Variants in NTM observed in about 807,000 individuals in gnomAD.
NTM encodes IgLON family member 2.
In NTM, 13 loss-of-function variants were observed where a neutral mutation model predicts 42.1. The observed-to-expected ratio is 0.31, with a 90% confidence interval of 0.20 to 0.49. The LOEUF (loss-of-function observed/expected upper bound fraction) is 0.49, where lower values mean the gene tolerates loss of function less well. NTM is among the 20% of genes least tolerant of loss of function. The pLI is 0.99. For synonymous variants in NTM, 187 were observed against 179.2 expected (o/e 1.04, Z -0.35); for missense variants, 373 against 452.8 (o/e 0.82, Z 1.60).
rs138606730 is a variant in NTM, at chr11:131,803,117, A to T, written c.83-108447A>T. 6.4e-4 allele frequency among the ~76,000 whole-genome samples: 97 copies of T among 151,504 alleles called. 2 individuals are homozygous for T. Among genetic ancestry groups the T allele is most frequent in the African/African-American group, 2.1e-3 (86 of 40,828 alleles). ...GACATTTGAATGAGATTTTCCCCCT[A>T]TGGCAGGAGGTCATCCTCATTCAAT... is the stretch of plus-strand genomic sequence containing the variant. On this transcript the variant is annotated intron_variant, in intron 1 of 8. Transcript: ENST00000683400.
At chr11:131,504,506 C>T (rs992044043) in intron 1 of NTM, among the ~76,000 whole-genome samples, 3 of 152,164 alleles carry the variant, frequency 2.0e-5, no homozygotes, top group Admixed American at 6.5e-5. Context: ...AATAACTGAG[C>T]ACACCATACC....
At chr11:132,237,674 A>T (rs1315825647) in intron 4 of NTM, among the ~76,000 whole-genome samples, 3 of 148,856 alleles carry the variant, frequency 2.0e-5, no homozygotes, top group Non-Finnish European at 4.4e-5. Context: ...TGGAACCCAC[A>T]GGCAGAGGCC....
intron 1 of NTM, among the ~76,000 whole-genome samples, chr11:131,697,055 G>A (rs900747843): frequency 1.3e-5 from 2 of 152,220 alleles, no homozygotes; most frequent in African/African-American, 4.8e-5. Flanking sequence ...GGAGAGAGTG[G>A]CAGTTTTTAG....
At chr11:131,446,841 A>G (rs1950096653) in intron 1 of NTM, among the ~76,000 whole-genome samples, 1 of 152,222 alleles carries the variant, frequency 6.6e-6, no homozygotes, top group Non-Finnish European at 1.5e-5. Flanking sequence ...ACTGCTATCT[A>G]GAGTATTTCT....
At chr11:131,913,710 T>C (rs1386534919) in intron 2 of NTM, among the ~76,000 whole-genome samples, 1 of 152,188 alleles carries the variant, frequency 6.6e-6, no homozygotes, top group Admixed American at 6.5e-5. Context: ...TGGATGGAGA[T>C]GGGAACATGG....
At chr11:131,815,699 T>C (rs2092924936) in intron 1 of NTM, among the ~76,000 whole-genome samples, 2 of 151,998 alleles carry the variant, frequency 1.3e-5, no homozygotes, top group African/African-American at 4.8e-5. Flanking sequence ...TTCTCTCAAC[T>C]TGACAGTCAG....
intron 1 of NTM, among the ~76,000 whole-genome samples, chr11:131,430,750 C>A (rs769696088): frequency 6.6e-6 from 1 of 152,248 alleles, no homozygotes; most frequent in South Asian, 2.1e-4. Flanking sequence ...CTGCCCCCCA[C>A]CATGGGCCTT....
chr11:132,296,073 G>T (rs889896561), intron 4 of NTM, among the ~76,000 whole-genome samples: 1 of 152,116 alleles, frequency 6.6e-6, no homozygotes, highest in African/African-American at 2.4e-5. Flanking sequence ...TTTATCTTAC[G>T]AGAATGGGGA....
chr11:132,193,067 C>T (rs2079570410), intron 3 of NTM, among the ~76,000 whole-genome samples: 1 of 152,110 alleles, frequency 6.6e-6, no homozygotes, highest in Non-Finnish European at 1.5e-5. Flanking sequence ...GACTGCAACA[C>T]CCCACTGACA....
chr11:132,139,884 T>C (rs1309456795), intron 2 of NTM, among the ~76,000 whole-genome samples: 2 of 152,172 alleles, frequency 1.3e-5, no homozygotes, highest in African/African-American at 2.4e-5. Context: ...CAATGTTCTG[T>C]AGAGACACAA....
At chr11:131,396,109 T>C (rs1300774376) in intron 1 of NTM, among the ~76,000 whole-genome samples, 1 of 152,092 alleles carries the variant, frequency 6.6e-6, no homozygotes, top group Admixed American at 6.5e-5. Context: ...GAAAAGCAGG[T>C]AAAAAGCAGT....
intron 4 of NTM, among the ~76,000 whole-genome samples, chr11:132,220,954 C>A (rs1253859161): frequency 1.3e-5 from 2 of 152,124 alleles, no homozygotes. Flanking sequence ...TGAGAAGGTC[C>A]TTAGTGGGAT....
chr11:132,150,902 C>T (rs546482618), intron 3 of NTM, among the ~76,000 whole-genome samples: 12 of 152,282 alleles, frequency 7.9e-5, no homozygotes, highest in African/African-American at 2.9e-4. Flanking sequence ...ACCTGGATTT[C>T]TTGACTTTGA....
intron 2 of NTM, among the ~76,000 whole-genome samples, chr11:132,041,434 A>C (rs1412841006): frequency 6.7e-6 from 1 of 150,098 alleles, no homozygotes; most frequent in Admixed American, 6.7e-5. Flanking sequence ...ATAGCAAAGG[A>C]CTTTTGTTCA....
chr11:132,023,608 C>T (rs549294478), intron 2 of NTM, among the ~76,000 whole-genome samples: 1 of 152,260 alleles, frequency 6.6e-6, no homozygotes, highest in South Asian at 2.1e-4. Context: ...CCAAGAGCAC[C>T]CCTCTGTCCG....
At chr11:131,428,883 A>C (rs1415181746) in intron 1 of NTM, among the ~76,000 whole-genome samples, 1 of 52,184 alleles carries the variant, frequency 1.9e-5, no homozygotes, top group African/African-American at 6.3e-5. Context: ...AAAAATACAA[A>C]AAAAAAAAAA....
chr11:131,856,474 G>A (rs1234594828), intron 1 of NTM, among the ~76,000 whole-genome samples: 1 of 152,070 alleles, frequency 6.6e-6, no homozygotes, highest in South Asian at 2.1e-4. Flanking sequence ...TCAAATAAAG[G>A]CATATACATA....
Position 131,911,625 on chromosome 11 carries a change from G to T in NTM, c.144G>T (p.Arg48=), listed in dbSNP as rs75710163. ...AAGCTATGGACAACGTGACGGTCCG[G>T]CAGGGGGAGAGCGCCACCCTCAGGT... The part of the protein sequence containing the change: ...FPKAMDNVTV[R]QGESATLRCT... The change falls in exon 2 of 9, where the codon CGG becomes CGT. Residue 48 remains arginine, a synonymous_variant. Transcript: ENST00000683400. 3,409 of 1,614,176 alleles carry T rather than the reference G, an allele frequency of 2.1e-3. 74 individuals are homozygous for T. The East Asian group carries it at 0.05, about 24-fold the overall frequency.
intron 4 of NTM, among the ~76,000 whole-genome samples, chr11:132,290,340 G>A (rs540072363): frequency 6.6e-6 from 1 of 152,072 alleles, no homozygotes; most frequent in African/African-American, 2.4e-5. Flanking sequence ...CCTGCCCTTG[G>A]TAAATCACTG....
Sources: allele counts gnomAD v4.1 joint callset (sites outside exome capture counted in the v4.1 genomes callset), GRCh38; gene constraint gnomAD v4.1.1; transcripts MANE v1.5; gene names NCBI Gene and HGNC (gene_info 2026-07-23, HGNC 2026-07-21).